Variants in OPA3 observed in about 807,000 individuals in gnomAD.
The protein encoded by OPA3 is outer mitochondrial membrane lipid metabolism regulator OPA3, also known as optic atrophy 3 protein.
A neutral mutation model predicts 4.0 loss-of-function variants in OPA3; 6 were observed. The observed-to-expected ratio is 1.51, with a 90% CI of 0.83 to 2.99. The LOEUF (loss-of-function observed/expected upper bound fraction) is 2.99. OPA3 is among the 30% of genes most tolerant of loss of function. The pLI, the probability that OPA3 is intolerant of heterozygous loss-of-function variation, is 0.00. For missense variants in OPA3, 235 were observed against 256.2 expected, an observed-to-expected ratio of 0.92 and a Z score of 0.56; for synonymous variants, 105 against 117.1, an observed-to-expected ratio of 0.90 and a Z score of 0.67.
intron 1 of OPA3, among the ~76,000 whole-genome samples, chr19:45,562,203 C>T (rs1227240319): frequency 6.6e-6 from 1 of 150,428 alleles, no homozygotes; most frequent in Admixed American, 6.6e-5. Flanking sequence ...AAAAATTAGC[C>T]GGGAGTGGTG....
Position 45,549,233 on chromosome 19 carries a change from G to A in OPA3, c.*4281C>T. The A allele has an allele frequency of 2.0e-6, 2 of 985,422 alleles. No individual in the cohort carries two copies. Among genetic ancestry groups the A allele is most frequent in the Non-Finnish European group, 1.2e-6 (1 of 829,950 alleles). 61.0% of individuals were successfully genotyped at this position (985,422 alleles called of 1,614,324 possible). On this transcript the variant is annotated 3_prime_UTR_variant, in exon 2 of 2. Coordinates refer to ENST00000263275, the MANE Select transcript of OPA3 (RefSeq NM_025136.4). ...GAATTCTAGCTAGCAGAACACACGA[G>A]CAGTGAACCATCCTCTGGCCTCTTG... is the stretch of plus-strand genomic sequence containing the variant.
intron 1 of OPA3, among the ~76,000 whole-genome samples, chr19:45,566,467 A>ATTTTTCTC (rs974021667): frequency 2.0e-5 from 2 of 99,246 alleles, no homozygotes; most frequent in Admixed American, 2.1e-4. Context: ...CACCAGCCTG[A>ATTTTTCTC]TTTTTCTCTT....
Position 45,584,698 on chromosome 19 carries a change from G to A in OPA3, c.67C>T (p.Leu23Phe). The change falls in exon 1 of 2, where the codon CTT (leucine) becomes TTT (phenylalanine). Residue 23 changes from leucine to phenylalanine, a missense_variant. Transcript: ENST00000263275. The stretch of plus-strand genomic sequence containing the variant: ...GCGGCCTCCTTAATACGGTTGGCAA[G>A]CGGCTTGCTGACCTGCCGGATGCCC... ...YLGIRQVSKP[L>F]ANRIKEAARR... is the part of the protein sequence containing the mutation. The A allele has an allele frequency of 6.2e-7, 1 of 1,614,222 alleles. No individual in the cohort carries two copies. The highest frequency in any genetic ancestry group is 8.5e-7 in the Non-Finnish European group (1 of 1,180,042).
intron 1 of OPA3, among the ~76,000 whole-genome samples, chr19:45,568,514 C>T (rs1460036057): frequency 6.6e-6 from 1 of 152,044 alleles, no homozygotes; most frequent in African/African-American, 2.4e-5. Context: ...TTTAAGCTTG[C>T]CCTAACAGTG....
At chr19:45,563,104 C>T (rs1364721835) in intron 1 of OPA3, among the ~76,000 whole-genome samples, 1 of 152,146 alleles carries the variant, frequency 6.6e-6, no homozygotes, top group East Asian at 1.9e-4. Context: ...TTCACCCGTC[C>T]AGGTGGGAAA....
exon 2 of OPA3, chr19:45,529,281 C>A (rs951611935): frequency 6.2e-7 from 1 of 1,614,078 alleles, no homozygotes. Context: ...GGCGCTGCTG[C>A]AACTGGTGGC....
intron 1 of OPA3, among the ~76,000 whole-genome samples, chr19:45,574,351 C>G (rs1430705043): frequency 6.9e-6 from 1 of 144,536 alleles, no homozygotes; most frequent in East Asian, 2.0e-4. Flanking sequence ...GAGCCAAAAT[C>G]GTGCCACTGC....
chr19:45,568,724 G>A (rs569909496), intron 1 of OPA3, among the ~76,000 whole-genome samples: 5 of 152,134 alleles, frequency 3.3e-5, no homozygotes, highest in Non-Finnish European at 5.9e-5. Flanking sequence ...GATTCAGGAG[G>A]AGGTAACCCC....
intron 1 of OPA3, among the ~76,000 whole-genome samples, chr19:45,576,121 G>A (rs1478551870): frequency 6.6e-6 from 1 of 152,140 alleles, no homozygotes; most frequent in Non-Finnish European, 1.5e-5. Flanking sequence ...TATTCAGGAG[G>A]CCAAGGCAGG....
At chr19:45,535,981 C>T (rs1237927673) in intron 1 of OPA3, among the ~76,000 whole-genome samples, 1 of 151,730 alleles carries the variant, frequency 6.6e-6, no homozygotes, top group Non-Finnish European at 1.5e-5. Flanking sequence ...AACCCCAGTA[C>T]GTTGAGAGGC....
At chr19:45,539,461 T>C (rs982779009) in intron 1 of OPA3, among the ~76,000 whole-genome samples, 2 of 152,136 alleles carry the variant, frequency 1.3e-5, no homozygotes, top group African/African-American at 4.8e-5. Flanking sequence ...AATATTTTTA[T>C]TTTTTCTGCC....
At position 45,547,825 on chromosome 19, in the gene OPA3, G is replaced by A. The variant is rs536027564; in HGVS notation, c.*5689C>T. The A allele has an allele frequency of 6.5e-6, 1 of 152,796 alleles. No homozygotes were observed. Among genetic ancestry groups the A allele is most frequent in the Non-Finnish European group, 1.5e-5 (1 of 68,498 alleles). 9.5% of individuals were successfully genotyped at this position (152,796 alleles called of 1,614,324 possible). A position where few individuals can be genotyped will look rare whatever the true frequency, so the allele number is the denominator to read the frequency against. On this transcript the variant is annotated 3_prime_UTR_variant, in exon 2 of 2. Coordinates refer to ENST00000263275, the MANE Select transcript of OPA3 (RefSeq NM_025136.4). ...CGATTCTCCTGCCACAGCCTCCTGA[G>A]TGGCTGGGATTACAGGCATGCACCA...
intron 1 of OPA3, among the ~76,000 whole-genome samples, chr19:45,540,308 C>T (rs576875660): frequency 2.2e-3 from 326 of 150,706 alleles, no homozygotes; most frequent in African/African-American, 7.8e-3. Flanking sequence ...CAGAGCGAGA[C>T]TCTGTCTCAA....
Position 45,552,219 on chromosome 19 carries a change from G to A in OPA3, c.*1295C>T, listed in dbSNP as rs574897391. On this transcript the variant is annotated 3_prime_UTR_variant, in exon 2 of 2. Transcript: ENST00000263275. Reference sequence around the variant, plus strand: ...GACTGCAGGCCAGGACCTTTTGTGGGTTTTTTTAAGATGGAGTTTTGCTCG... The same window carrying A: ...GACTGCAGGCCAGGACCTTTTGTGGATTTTTTTAAGATGGAGTTTTGCTCG... 1.0e-6 allele frequency: 1 copy of A among 984,152 alleles called. No individual in the cohort carries two copies. Among genetic ancestry groups the A allele is most frequent in the Admixed American group, 6.2e-5 (1 of 16,214 alleles). The allele number at this position is 984,152 out of a possible 1,614,324, so 61.0% of individuals were successfully genotyped here. A position where few individuals can be genotyped will look rare whatever the true frequency, so the allele number is the denominator to read the frequency against.
Position 45,552,097 on chromosome 19 carries a change from C to T in OPA3, c.*1417G>A, listed in dbSNP as rs1338595302. On this transcript the variant is annotated 3_prime_UTR_variant, in exon 2 of 2. Transcript: ENST00000263275. ...ATTCACAGAAAAGATCCTGTAGTGCCATTCCAGTGGGTTGTGCCATAGACT... is the reference window on the plus strand; with the variant it reads ...ATTCACAGAAAAGATCCTGTAGTGCTATTCCAGTGGGTTGTGCCATAGACT... 1.9e-5 allele frequency: 19 copies of T among 985,332 alleles called. No individual in the cohort carries two copies. The highest frequency in any genetic ancestry group is 2.3e-5 in the Non-Finnish European group (19 of 830,004). The allele number at this position is 985,332 out of a possible 1,614,324, so 61.0% of individuals were successfully genotyped here.
At chr19:45,576,403 G>A in intron 1 of OPA3, among the ~76,000 whole-genome samples, 1 of 151,498 alleles carries the variant, frequency 6.6e-6, no homozygotes, top group Non-Finnish European at 1.5e-5. Flanking sequence ...GTGGTGGTGG[G>A]TGCCAGGTGT....
chr19:45,583,292 A>G (rs753075813), intron 1 of OPA3, among the ~76,000 whole-genome samples: 3 of 151,938 alleles, frequency 2.0e-5, no homozygotes, highest in Non-Finnish European at 4.4e-5. Flanking sequence ...CTGGGACCAC[A>G]GGCGCCCAGC....
intron 1 of OPA3, among the ~76,000 whole-genome samples, chr19:45,535,705 T>C (rs1969107889): frequency 6.6e-6 from 1 of 152,094 alleles, no homozygotes; most frequent in Non-Finnish European, 1.5e-5. Flanking sequence ...TTATAAATTA[T>C]TTTAATTGTA....
intron 1 of OPA3, among the ~76,000 whole-genome samples, chr19:45,563,238 C>T (rs1402384191): frequency 1.3e-5 from 2 of 152,162 alleles, no homozygotes; most frequent in African/African-American, 4.8e-5. Context: ...TGGCTCACTG[C>T]AAGCTCCGCC....
Sources: gnomAD v4.1 joint callset for allele counts (sites outside exome capture counted in the v4.1 genomes callset) on GRCh38, gnomAD v4.1.1 for gene constraint, MANE v1.5 for transcripts, NCBI Gene and HGNC (gene_info 2026-07-23, HGNC 2026-07-21) for gene names.